The following SSBP2 variants were observed in gnomAD, a reference collection of about 807,000 sequenced individuals.
SSBP2 encodes the protein single stranded DNA binding protein 2.
Under a neutral mutation model 61.8 loss-of-function variants are expected in SSBP2, and 17 were observed. The ratio of observed to expected loss-of-function variants is 0.28; its 90% confidence interval spans 0.19 to 0.41. The LOEUF (loss-of-function observed/expected upper bound fraction) is 0.41. Among genes scored for constraint, SSBP2 ranks in the 10% least tolerant of loss-of-function variants. SSBP2 has a pLI of 1.00. For synonymous variants in SSBP2, 139 were observed against 141.3 expected (o/e 0.98, Z 0.12); for missense variants, 310 against 458.7 (o/e 0.68, Z 2.96).
At chr5:81,613,101 A>C (rs944274853) in intron 4 of SSBP2, among the ~76,000 whole-genome samples, 27 of 152,162 alleles carry the variant, frequency 1.8e-4, no homozygotes, top group African/African-American at 6.5e-4. Flanking sequence ...CTCCAATTAA[A>C]AAACAAATCA....
At chr5:81,423,644 C>T (rs577456023) in intron 16 of SSBP2, among the ~76,000 whole-genome samples, 4 of 152,098 alleles carry the variant, frequency 2.6e-5, no homozygotes, top group Non-Finnish European at 4.4e-5. Flanking sequence ...ACTCAGGAGG[C>T]TGAGGCAGGA....
intron 15 of SSBP2, 117 bp downstream of exon 15, chr5:81,437,312 CT>C: frequency 1.1e-6 from 1 of 898,862 alleles, no homozygotes; most frequent in South Asian, 1.5e-5. Flanking sequence ...TATACCTGGT[CT>C]TCTACTTTCA....
intron 1 of SSBP2, among the ~76,000 whole-genome samples, chr5:81,708,473 T>C (rs1374046235): frequency 1.3e-5 from 2 of 152,132 alleles, no homozygotes; most frequent in African/African-American, 2.4e-5. Context: ...ATTTTCCTTA[T>C]TAACTCTTTG....
intron 1 of SSBP2, among the ~76,000 whole-genome samples, chr5:81,735,390 C>G (rs768694951): frequency 6.6e-6 from 1 of 152,144 alleles, no homozygotes; most frequent in Admixed American, 6.5e-5. Context: ...GGTCACCCCC[C>G]ACCCACTGCA....
At position 81,465,519 on chromosome 5, in the gene SSBP2, G is replaced by A. The variant is rs80214838; in HGVS notation, c.638+1455C>T. ...AAACTAAGTGGATTTAAAGTTGGCC[G>A]TATGATCAATTATAATGCAGAGTAA... is the stretch of plus-strand genomic sequence containing the variant. On this transcript the variant is annotated intron_variant, in intron 9 of 16. Transcript: ENST00000320672. Among the ~76,000 whole-genome samples the A allele has an allele frequency of 8.6e-3, 1,313 of 152,030 alleles. 13 individuals are homozygous for A. The highest frequency in any genetic ancestry group is 0.029 in the African/African-American group (1,212 of 41,504).
At chr5:81,636,763 G>A (rs1748278889) in intron 2 of SSBP2, 145 bp from the exon 3 acceptor site, 1 of 693,064 alleles carries the variant, frequency 1.4e-6, no homozygotes, top group Admixed American at 2.9e-5. Context: ...AGTTTTGCAA[G>A]TACTCATTTT....
At position 81,590,721 on chromosome 5, in the gene SSBP2, G is replaced by A. The variant is rs142146967; in HGVS notation, c.282+24752C>T. Among the ~76,000 whole-genome samples, 670 of 152,260 alleles carry A rather than the reference G, an allele frequency of 4.4e-3. 2 individuals carry two copies. Among genetic ancestry groups the A allele is most frequent in the Non-Finnish European group, 7.2e-3 (490 of 68,006 alleles). ...ATAGCTACTTTGAGAAAAGTACAAA[G>A]CTCTGTTGGGTCCCCTCTCCCCTGA... is the stretch of plus-strand genomic sequence containing the variant. On this transcript the variant is annotated intron_variant, in intron 4 of 16. Coordinates refer to ENST00000320672, the MANE Select transcript of SSBP2 (RefSeq NM_012446.5).
intron 1 of SSBP2, among the ~76,000 whole-genome samples, chr5:81,728,964 G>A (rs1475376625): frequency 6.6e-6 from 1 of 152,060 alleles, no homozygotes; most frequent in Non-Finnish European, 1.5e-5. Context: ...TCAGTATTCT[G>A]TATTTTAAAA....
chr5:81,679,182 T>C (rs930401916), intron 1 of SSBP2, among the ~76,000 whole-genome samples: 5 of 152,224 alleles, frequency 3.3e-5, no homozygotes, highest in African/African-American at 4.8e-5. Context: ...CTAATTTTTG[T>C]ATTTTTAGTA....
At chr5:81,488,739 T>C (rs1165951689) in intron 6 of SSBP2, among the ~76,000 whole-genome samples, 2 of 134,006 alleles carry the variant, frequency 1.5e-5, no homozygotes, top group South Asian at 2.6e-4. Flanking sequence ...GTGTGTGATG[T>C]TCCCCTTCCT....
intron 4 of SSBP2, among the ~76,000 whole-genome samples, chr5:81,613,191 C>T (rs1745626430): frequency 6.6e-6 from 1 of 152,024 alleles, no homozygotes; most frequent in African/African-American, 2.4e-5. Context: ...TCTCTTAAAA[C>T]TAATATTTAA....
rs1244016036 is a variant in SSBP2 at position 81,455,346 on chromosome 5, G to A, written c.687+5709C>T. Among the ~76,000 whole-genome samples the A allele has an allele frequency of 5.6e-5, 3 of 53,688 alleles. 1 individual carries two copies. Among genetic ancestry groups the A allele is most frequent in the African/African-American group, 1.4e-3 (2 of 1,452 alleles). The allele number at this position is 53,688 out of a possible 152,430, so 35.2% of individuals were successfully genotyped here. A position where few individuals can be genotyped will look rare whatever the true frequency, so the allele number is the denominator to read the frequency against. ...CCTAAATCCTCCTTCTAGGCCGGGC[G>A]CGGTGGCTCACGCCTGTAATCCCAG... is the stretch of plus-strand genomic sequence containing the variant. On this transcript the variant is annotated intron_variant, in intron 10 of 16. Coordinates refer to ENST00000320672, the MANE Select transcript of SSBP2 (RefSeq NM_012446.5).
At chr5:81,605,765 C>T (rs750026204) in intron 4 of SSBP2, among the ~76,000 whole-genome samples, 1 of 152,118 alleles carries the variant, frequency 6.6e-6, no homozygotes, top group Non-Finnish European at 1.5e-5. Flanking sequence ...GCACTGAAAG[C>T]CAGCCTCATA....
At chr5:81,594,717 A>T (rs1479079930) in intron 4 of SSBP2, among the ~76,000 whole-genome samples, 1 of 151,678 alleles carries the variant, frequency 6.6e-6, no homozygotes, top group Non-Finnish European at 1.5e-5. Context: ...TACATGGAAA[A>T]TGAACAACCT....
At chr5:81,563,801 C>T (rs1359092302) in intron 4 of SSBP2, among the ~76,000 whole-genome samples, 1 of 152,042 alleles carries the variant, frequency 6.6e-6, no homozygotes, top group Non-Finnish European at 1.5e-5. Flanking sequence ...ACTAGAGAAA[C>T]ATGAGGAAAA....
At chr5:81,478,541 G>T (rs1274116637) in intron 6 of SSBP2, among the ~76,000 whole-genome samples, 1 of 152,108 alleles carries the variant, frequency 6.6e-6, no homozygotes, top group African/African-American at 2.4e-5. Context: ...GTTTCACCAT[G>T]TTGGCCAGGC....
intron 15 of SSBP2, among the ~76,000 whole-genome samples, chr5:81,433,221 AAAG>A (rs988491288): frequency 3.3e-5 from 5 of 152,042 alleles, no homozygotes; most frequent in Non-Finnish European, 7.4e-5. Context: ...GTCTGTGTGG[AAAG>A]AAGTAGACAT....
At position 81,708,528 on chromosome 5, in the gene SSBP2, AT is replaced by A. The variant is rs929212903; in HGVS notation, c.62+42452del. The stretch of plus-strand genomic sequence containing the variant: ...AGAGAGAGAGAAATTCATCTCTCAG[AT>A]TTTTTTTAAAGCAGGCTTAAACAAA... On this transcript the variant is annotated intron_variant, in intron 1 of 16. Coordinates refer to ENST00000320672, the MANE Select transcript of SSBP2 (RefSeq NM_012446.5). Among the ~76,000 whole-genome samples, 7 of 152,066 alleles carry A rather than the reference AT, an allele frequency of 4.6e-5. No homozygotes were observed. The South Asian group carries it at 1.5e-3, about 32-fold the overall frequency.
chr5:81,704,917 C>A (rs1486156892), intron 1 of SSBP2, among the ~76,000 whole-genome samples: 1 of 149,166 alleles, frequency 6.7e-6, no homozygotes, highest in East Asian at 2.0e-4. Context: ...ACGTGTTAAT[C>A]TATATTAAGA....
Sources: gnomAD v4.1 joint callset for allele counts (sites outside exome capture counted in the v4.1 genomes callset) on GRCh38, gnomAD v4.1.1 for gene constraint, MANE v1.5 for transcripts, NCBI Gene and HGNC (gene_info 2026-07-23, HGNC 2026-07-21) for gene names.